The following TTC39B variants were observed in gnomAD, a reference collection of about 807,000 sequenced individuals.
TTC39B encodes the protein tetratricopeptide repeat domain 39B.
In TTC39B, 92 loss-of-function variants were observed where a neutral mutation model predicts 96.6. That is an observed-to-expected ratio of 0.95 (90% CI 0.80 to 1.13). The LOEUF is 1.13. Among genes scored for constraint, TTC39B ranks in the 50% most tolerant of loss-of-function variants. TTC39B has a pLI of 0.00. For missense variants in TTC39B, 955 were observed against 809.3 expected, an observed-to-expected ratio of 1.18 and a Z score of -2.18; for synonymous variants, 367 against 299.4, an observed-to-expected ratio of 1.23 and a Z score of -2.33.
intron 3 of TTC39B, among the ~76,000 whole-genome samples, chr9:15,216,307 T>C (rs1308998207): frequency 1.3e-5 from 2 of 152,150 alleles, no homozygotes; most frequent in Non-Finnish European, 2.9e-5. Context: ...GCTCAAAAAA[T>C]ATGTTGAGTG....
chr9:15,304,877 G>A (rs554001551), intron 1 of TTC39B, among the ~76,000 whole-genome samples: 2 of 152,120 alleles, frequency 1.3e-5, no homozygotes, highest in East Asian at 3.9e-4. Context: ...CTAGTCAGCT[G>A]TTTACACACA....
At chr9:15,214,002 CAAAGT>C (rs929688430) in intron 4 of TTC39B, 132 bp downstream of exon 4, 146 of 525,478 alleles carry the variant, frequency 2.8e-4, no homozygotes, top group Middle Eastern at 6.0e-4. Context: ...TAAAAGTGAC[CAAAGT>C]AAAGAGGTCT....
At chr9:15,299,558 T>C (rs561012682) in intron 1 of TTC39B, among the ~76,000 whole-genome samples, 13 of 151,870 alleles carry the variant, frequency 8.6e-5, no homozygotes, top group Non-Finnish European at 1.9e-4. Flanking sequence ...CTGACTAAGG[T>C]GGTGGCCAAT....
exon 18 of TTC39B, chr9:15,177,733 A>C: frequency 6.2e-7 from 1 of 1,613,662 alleles, no homozygotes; most frequent in Middle Eastern, 1.6e-4. Context: ...TTCAGCTTGC[A>C]AGGGCCGCTG....
chr9:15,182,397 T>C (rs1564316354), exon 17 of TTC39B: 1 of 1,611,084 alleles, frequency 6.2e-7, no homozygotes, highest in Non-Finnish European at 8.5e-7. Flanking sequence ...GAAAAACCAT[T>C]CCAGACATAC....
intron 18 of TTC39B, 43 bp from the exon 19 acceptor site, chr9:15,175,178 GAA>G: frequency 1.5e-6 from 2 of 1,306,162 alleles, no homozygotes; most frequent in Non-Finnish European, 2.2e-6. Flanking sequence ...AACAGAACAA[GAA>G]ATACACATTT....
chr9:15,258,679 C>A (rs1307598148), intron 2 of TTC39B, among the ~76,000 whole-genome samples: 38 of 152,280 alleles, frequency 2.5e-4, no homozygotes, highest in Non-Finnish European at 1.0e-4. Flanking sequence ...GGACACTGAG[C>A]CTGCAGAAAG....
At chr9:15,268,908 A>G (rs1823234610) in intron 1 of TTC39B, among the ~76,000 whole-genome samples, 1 of 152,130 alleles carries the variant, frequency 6.6e-6, no homozygotes, top group Non-Finnish European at 1.5e-5. Context: ...CATTTAGAAA[A>G]ATCCCAAACT....
At chr9:15,166,982 T>TTTTTTA (rs1387664027) in exon 20 of TTC39B, 2 of 20,276 alleles carry the variant, frequency 9.9e-5, no homozygotes, top group African/African-American at 1.8e-4. Context: ...AACCTTTATT[T>TTTTTTA]TATATATATA....
intron 4 of TTC39B, among the ~76,000 whole-genome samples, chr9:15,213,580 T>A (rs1160564134): frequency 6.6e-6 from 1 of 152,208 alleles, no homozygotes; most frequent in Non-Finnish European, 1.5e-5. Context: ...TCTAAGCAAG[T>A]GTTTGAGGGC....
Position 15,306,999 on chromosome 9 carries a change from G to A in TTC39B, c.240+85C>T. ...AGGGGACCAAGGGGGCGGGGCCTCG[G>A]CCGTCCTAGCCGGGCTCACTCTTCT... On this transcript the variant is annotated intron_variant, in intron 1 of 19. Coordinates refer to ENST00000512701, the Ensembl canonical transcript of TTC39B. The surrounding 1 kb of genome is among the most constrained non-coding windows in gnomAD (Gnocchi z 5.1). 1.3e-6 allele frequency: 2 copies of A among 1,543,692 alleles called. No individual in the cohort carries two copies. Among genetic ancestry groups the A allele is most frequent in the Non-Finnish European group, 1.7e-6 (2 of 1,143,612 alleles).
intron 2 of TTC39B, among the ~76,000 whole-genome samples, chr9:15,227,329 G>C (rs1451012931): frequency 6.6e-6 from 1 of 151,316 alleles, no homozygotes; most frequent in African/African-American, 2.4e-5. Context: ...AAAAAGTGCA[G>C]TGTCCTCAAT....
intron 2 of TTC39B, among the ~76,000 whole-genome samples, chr9:15,239,044 C>T (rs1200194457): frequency 6.6e-6 from 1 of 151,936 alleles, no homozygotes; most frequent in East Asian, 1.9e-4. Context: ...CCAGAATCTA[C>T]AAGGAACTCA....
intron 2 of TTC39B, among the ~76,000 whole-genome samples, chr9:15,266,580 TAGTATTGGTAGCCA>T (rs1241056915): frequency 6.6e-6 from 1 of 152,206 alleles, no homozygotes; most frequent in Non-Finnish European, 1.5e-5. Flanking sequence ...TTTGCTTACA[TAGTATTGGTAGCCA>T]AGTAAATTGA....
chr9:15,258,565 C>A (rs1822836397), intron 2 of TTC39B, among the ~76,000 whole-genome samples: 1 of 152,170 alleles, frequency 6.6e-6, no homozygotes, highest in Non-Finnish European at 1.5e-5. Flanking sequence ...GCAGCCATGT[C>A]AAGAAGGTTA....
At chr9:15,171,310 A>G (rs111808412) in exon 20 of TTC39B, 9 of 152,210 alleles carry the variant, frequency 5.9e-5, no homozygotes, top group African/African-American at 2.2e-4. Context: ...TTCCTAAAAT[A>G]TGACACTTCC....
intron 2 of TTC39B, chr9:15,232,400 A>C (rs148193357): frequency 4.7e-4 from 71 of 152,572 alleles, no homozygotes; most frequent in Non-Finnish European, 8.5e-4. Context: ...AAATAAATTC[A>C]AAAAGAAAAA....
At chr9:15,166,832 T>G in exon 20 of TTC39B, 1 of 150,914 alleles carries the variant, frequency 6.6e-6, no homozygotes, top group East Asian at 2.0e-4. Context: ...GTTTTGTATA[T>G]AGCTATCTAT....
rs192361560 is a variant in TTC39B at position 15,299,970 on chromosome 9, G to A, written c.240+7114C>T. On this transcript the variant is annotated intron_variant, in intron 1 of 19. Coordinates refer to ENST00000512701, the Ensembl canonical transcript of TTC39B. ...AGAAAAACAGCTGTCAAAAAACAGG[G>A]TTTCAAGAGACTCAAGATTGAACAT... Among the ~76,000 whole-genome samples the A allele has an allele frequency of 9.7e-4, 140 of 144,818 alleles. 1 individual carries two copies. The highest frequency in any genetic ancestry group is 3.8e-3 in the African/African-American group (134 of 35,124).
Sources: allele counts gnomAD v4.1 joint callset (sites outside exome capture counted in the v4.1 genomes callset), GRCh38; gene constraint gnomAD v4.1.1; non-coding constraint Gnocchi (gnomAD v3.1); transcripts MANE v1.5; gene names NCBI Gene and HGNC (gene_info 2026-07-23, HGNC 2026-07-21).